Variants in SPTBN4 observed in about 807,000 individuals in gnomAD.
SPTBN4 encodes the protein spectrin beta, non-erythrocytic 4.
Under a neutral mutation model 277.8 loss-of-function variants are expected in SPTBN4, and 96 were observed. The observed-to-expected ratio is 0.35, with a 90% CI of 0.29 to 0.41. The LOEUF (loss-of-function observed/expected upper bound fraction) is 0.41. Among genes scored for constraint, SPTBN4 ranks in the 10% least tolerant of loss-of-function variants. The probability of loss-of-function intolerance (pLI) is 1.00; values close to 1 mark genes in which losing one functional copy is unlikely to be tolerated. For synonymous variants in SPTBN4, 1,481 were observed against 1,580.3 expected, an observed-to-expected ratio of 0.94 and a Z score of 1.49; for missense variants, 3,006 against 3,595.7, an observed-to-expected ratio of 0.84 and a Z score of 4.19.
chr19:40,552,771 G>T (rs865255), intron 22 of SPTBN4, among the ~76,000 whole-genome samples: 92,864 of 151,976 alleles, frequency 0.61, 29,495 homozygotes, highest in African/African-American at 0.71. Context: ...TCAACAGTGT[G>T]GGCGACAGAA....
chr19:40,575,626 A>G lies in SPTBN4; in HGVS notation c.*57A>G. The G allele has an allele frequency of 6.5e-7, 1 of 1,538,762 alleles. No individual in the cohort carries two copies. The highest frequency in any genetic ancestry group is 1.4e-5 in the African/African-American group (1 of 73,028). On this transcript the variant is annotated 3_prime_UTR_variant, in exon 36 of 36. Transcript: ENST00000598249. ...CTCCCCTCTTTTCCGCACTGTGGGC[A>G]CAAAGACACTTTTTCTTCCGCAGGG...
In SPTBN4 at chr19:40,520,196, C is replaced by G; in HGVS notation, c.3654+45C>G. On this transcript the variant is annotated intron_variant, in intron 16 of 35. Transcript: ENST00000598249. Reference sequence around the variant, plus strand: ...ATTTCGGAGAGGGAGAGTCCGAGGCCGCGGGGGGATTGCAGGGACAGGGAC... The same window carrying G: ...ATTTCGGAGAGGGAGAGTCCGAGGCGGCGGGGGGATTGCAGGGACAGGGAC... 22 of 1,252,286 alleles carry G rather than the reference C, an allele frequency of 1.8e-5. No homozygotes were observed. The South Asian group carries it at 2.0e-4, about 11-fold the overall frequency. 77.6% of individuals were successfully genotyped at this position (1,252,286 alleles called of 1,614,324 possible).
chr19:40,508,043 T>C (rs1428417039), intron 13 of SPTBN4, among the ~76,000 whole-genome samples: 1 of 152,172 alleles, frequency 6.6e-6, no homozygotes, highest in Admixed American at 6.5e-5. Flanking sequence ...AGAGCTTGCA[T>C]TGGCTCACAG....
rs2081196569 is a variant in SPTBN4, at chr19:40,575,755, CT to C, written c.*187del. 2.9e-6 allele frequency: 2 copies of C among 686,218 alleles called. No homozygotes were observed. The highest frequency in any genetic ancestry group is 4.5e-6 in the Non-Finnish European group (2 of 443,328). 42.5% of individuals were successfully genotyped at this position (686,218 alleles called of 1,614,324 possible). The stretch of plus-strand genomic sequence containing the variant: ...AGAAGTGGTGGGGAGATTGCTGCCC[CT>C]ATAGCCATATCTCGGCCCCTTCCCA... On this transcript the variant is annotated 3_prime_UTR_variant, in exon 36 of 36. Transcript: ENST00000598249.
chr19:40,521,249 G>T (rs1423813788), intron 16 of SPTBN4, among the ~76,000 whole-genome samples: 1 of 152,174 alleles, frequency 6.6e-6, no homozygotes, highest in African/African-American at 2.4e-5. Context: ...TGGCACCAAG[G>T]ACTGGTTTTC....
At chr19:40,487,040 CTCTT>C (rs200213349) in intron 2 of SPTBN4, among the ~76,000 whole-genome samples, 5 of 145,900 alleles carry the variant, frequency 3.4e-5, no homozygotes, top group African/African-American at 1.4e-4. Context: ...AGGCTGGACT[CTCTT>C]TTTTTTTTTT....
At chr19:40,480,251 C>CA (rs34559298) in intron 2 of SPTBN4, among the ~76,000 whole-genome samples, 36,679 of 93,458 alleles carry the variant, frequency 0.39, 6,092 homozygotes, top group African/African-American at 0.51. Flanking sequence ...GACTCCGTCT[C>CA]AAAAAAAAAA....
rs1290402853 is a variant in SPTBN4, at chr19:40,519,313, G to A, written c.2904-88G>A. ...AGGTCACACAGTGGCTGGGTGGCTT[G>A]GGCCTGGATTCTACCCTGGGTCGGC... On this transcript the variant is annotated intron_variant, in intron 15 of 35. Transcript: ENST00000598249. The surrounding 1 kb of genome is among the most constrained non-coding windows in gnomAD (Gnocchi z 5.7). The A allele has an allele frequency of 1.5e-6, 2 of 1,317,330 alleles. No homozygotes were observed. Among genetic ancestry groups the A allele is most frequent in the Non-Finnish European group, 2.0e-6 (2 of 1,018,266 alleles). The allele number at this position is 1,317,330 out of a possible 1,614,324, so 81.6% of individuals were successfully genotyped here. A position where few individuals can be genotyped will look rare whatever the true frequency, so the allele number is the denominator to read the frequency against.
rs1186431817 is a variant in SPTBN4 at position 40,569,961 on chromosome 19, CACACACACACACAG to C, written c.7026+271_7026+284del. On this transcript the variant is annotated intron_variant, in intron 32 of 35. Coordinates refer to ENST00000598249, the MANE Select transcript of SPTBN4 (RefSeq NM_020971.3). Reference sequence around the variant, plus strand: ...CCACACACACACACACACACACACACACACACACACACAGACACACACACACAGACACACACACA... The same window carrying C: ...CCACACACACACACACACACACACACACACACACACACAGACACACACACA... Among the ~76,000 whole-genome samples the C allele has an allele frequency of 3.4e-3, 489 of 145,804 alleles. 6 individuals carry two copies. Among genetic ancestry groups the C allele is most frequent in the Non-Finnish European group, 4.1e-3 (270 of 66,630 alleles).
rs950335617 is a variant in SPTBN4 at position 40,529,158 on chromosome 19, G to C, written c.3948+27G>C. On this transcript the variant is annotated intron_variant, in intron 18 of 35. Coordinates refer to ENST00000598249, the MANE Select transcript of SPTBN4 (RefSeq NM_020971.3). ...TAGGAACTCCAGGTGTGCTGGGGAC[G>C]GAGACATCCCCTTTAGTCGGGAGGG... 6 of 1,600,532 alleles carry C rather than the reference G, an allele frequency of 3.7e-6. No homozygotes were observed. In the Admixed American group the frequency reaches 6.7e-5, roughly 18 times the overall value.
intron 33 of SPTBN4, 168 bp from the exon 34 acceptor site, chr19:40,571,851 G>A (rs1178602982): frequency 4.6e-6 from 3 of 652,582 alleles, no homozygotes; most frequent in Non-Finnish European, 7.3e-6. Flanking sequence ...TCCCCTCAGG[G>A]CAGCAACAGC....
At chr19:40,558,947 T>TATTATTATGATGATGATG (rs1026792401) in intron 26 of SPTBN4, among the ~76,000 whole-genome samples, 104 of 146,158 alleles carry the variant, frequency 7.1e-4, no homozygotes, top group African/African-American at 2.6e-3. Flanking sequence ...TTATTATTAT[T>TATTATTATGATGATGATG]ATGAGGCAGA....
chr19:40,567,298 A>AAAAT (rs57552574), intron 30 of SPTBN4: 36,793 of 141,618 alleles, frequency 0.26, 5,086 homozygotes, highest in Non-Finnish European at 0.29. Context: ...GACTGTCTCA[A>AAAAT]AAATAAATAA....
rs137967032 is a variant in SPTBN4, at chr19:40,528,117, A to G, written c.3858-924A>G. 2.7e-3 allele frequency among the ~76,000 whole-genome samples: 413 copies of G among 151,060 alleles called. 1 individual carries two copies. Among genetic ancestry groups the G allele is most frequent in the African/African-American group, 9.1e-3 (373 of 41,144 alleles). On this transcript the variant is annotated intron_variant, in intron 17 of 35. Transcript: ENST00000598249. The stretch of plus-strand genomic sequence containing the variant: ...TCATGGAGACCCTGGGAGGATCTCT[A>G]AGGACTCTCATGGAGACCCTGGGAG...
intron 1 of SPTBN4, among the ~76,000 whole-genome samples, chr19:40,467,732 C>T (rs142653193): frequency 6.6e-6 from 1 of 152,152 alleles, no homozygotes; most frequent in East Asian, 1.9e-4. Context: ...AGCTGATCCT[C>T]GGCCTGGCCA....
intron 20 of SPTBN4, among the ~76,000 whole-genome samples, chr19:40,543,494 G>A (rs2080823292): frequency 6.6e-6 from 1 of 151,982 alleles, no homozygotes; most frequent in African/African-American, 2.4e-5. Context: ...AGGAGAGGAT[G>A]GATTTTGGGC....
rs2080651145 is a variant in SPTBN4, at chr19:40,530,409, G to A, written c.3948+1278G>A. The A allele has an allele frequency of 1.8e-5, 13 of 740,662 alleles. No homozygotes were observed. The South Asian group carries it at 1.8e-4, about 10-fold the overall frequency. The allele number at this position is 740,662 out of a possible 1,614,324, so 45.9% of individuals were successfully genotyped here. ...CACCTGGGGCCCCGCAAAGAGGCGG[G>A]CAGGGAGGCAGGCAGGGGGCGCACG... On this transcript the variant is annotated intron_variant, in intron 18 of 35. Transcript: ENST00000598249.
In SPTBN4 at chr19:40,518,718, C is replaced by T. The variant is rs532453254; in HGVS notation, c.2904-683C>T. ...GGATTACAGGTGTGAACCACTGCAC[C>T]CGGCTGAGAAATTTGAAAACATTAT... On this transcript the variant is annotated intron_variant, in intron 15 of 35. Coordinates refer to ENST00000598249, the MANE Select transcript of SPTBN4 (RefSeq NM_020971.3). 2.0e-5 allele frequency among the ~76,000 whole-genome samples: 3 copies of T among 152,216 alleles called. No individual in the cohort carries two copies. In the East Asian group the frequency reaches 5.8e-4, roughly 29 times the overall value.
intron 13 of SPTBN4, among the ~76,000 whole-genome samples, chr19:40,509,730 A>G (rs549545076): frequency 6.6e-6 from 1 of 152,306 alleles, no homozygotes; most frequent in South Asian, 2.1e-4. Flanking sequence ...TGGAGCCCAC[A>G]GCCCTTTGGA....
Sources: gnomAD v4.1 joint callset for allele counts (sites outside exome capture counted in the v4.1 genomes callset) on GRCh38, gnomAD v4.1.1 for gene constraint, Gnocchi (gnomAD v3.1) non-coding constraint, MANE v1.5 for transcripts, NCBI Gene and HGNC (gene_info 2026-07-23, HGNC 2026-07-21) for gene names.